The following C10orf67 variants were observed in gnomAD, a reference collection of about 807,000 sequenced individuals.
The protein encoded by C10orf67 is chromosome 10 open reading frame 67, also known as uncharacterized protein C10orf67, mitochondrial.
A neutral mutation model predicts 35.6 loss-of-function variants in C10orf67; 60 were observed. The ratio of observed to expected loss-of-function variants is 1.68; its 90% CI spans 1.37 to 2.09. C10orf67 has a LOEUF of 2.09. C10orf67 is among the 30% of genes most tolerant of loss of function. The pLI is 0.00. For missense variants in C10orf67, 474 were observed against 330.2 expected, an observed-to-expected ratio of 1.44 and a Z score of -3.38; for synonymous variants, 167 against 115.8, an observed-to-expected ratio of 1.44 and a Z score of -2.84.
At chr10:23,284,313 C>A (rs959293968) in intron 7 of C10orf67, among the ~76,000 whole-genome samples, 1 of 151,844 alleles carries the variant, frequency 6.6e-6, no homozygotes. Context: ...CAGTCACAAG[C>A]AGTTCCACAA....
chr10:23,270,374 A>G (rs960702890), intron 8 of C10orf67, among the ~76,000 whole-genome samples: 1 of 152,124 alleles, frequency 6.6e-6, no homozygotes, highest in African/African-American at 2.4e-5. Flanking sequence ...CAACCTGTGG[A>G]TCAGGAGATC....
chr10:23,309,315 A>G (rs1253389364), intron 4 of C10orf67, among the ~76,000 whole-genome samples: 1 of 152,180 alleles, frequency 6.6e-6, no homozygotes, highest in African/African-American at 2.4e-5. Context: ...ACATGTTCTC[A>G]CTTCTAAGTG....
intron 4 of C10orf67, 90 bp downstream of exon 4, chr10:23,320,651 G>C: frequency 1.0e-6 from 1 of 985,412 alleles, no homozygotes; most frequent in South Asian, 1.5e-5. Flanking sequence ...TGGAAACACA[G>C]ACTGGGAAGC....
chr10:23,305,969 A>ACG (rs1844259344), intron 4 of C10orf67, among the ~76,000 whole-genome samples: 1 of 147,972 alleles, frequency 6.8e-6, no homozygotes, highest in African/African-American at 2.5e-5. Flanking sequence ...ACATACGCGC[A>ACG]CACACACACA....
intron 8 of C10orf67, among the ~76,000 whole-genome samples, chr10:23,270,146 C>T (rs113221411): frequency 1.3e-3 from 196 of 152,228 alleles, no homozygotes; most frequent in African/African-American, 4.5e-3. Flanking sequence ...ATAAAAATGG[C>T]GACTGAATTC....
At chr10:23,306,422 G>C (rs149661972) in intron 4 of C10orf67, among the ~76,000 whole-genome samples, 2 of 151,618 alleles carry the variant, frequency 1.3e-5, no homozygotes, top group African/African-American at 4.8e-5. Flanking sequence ...TACTTGGGAG[G>C]TTGAGGCAGG....
intron 8 of C10orf67, among the ~76,000 whole-genome samples, chr10:23,277,325 G>C (rs892400803): frequency 2.0e-5 from 3 of 152,208 alleles, no homozygotes; most frequent in Middle Eastern, 6.8e-3. Context: ...GGCTGAGATG[G>C]GTGGATCACT....
At chr10:23,266,709 T>C (rs1044333373) in intron 9 of C10orf67, among the ~76,000 whole-genome samples, 1 of 151,898 alleles carries the variant, frequency 6.6e-6, no homozygotes, top group Non-Finnish European at 1.5e-5. Context: ...GTGGGGTCTA[T>C]GTGGAGGGGG....
intron 13 of C10orf67, among the ~76,000 whole-genome samples, chr10:23,228,729 A>G (rs1326384913): frequency 6.6e-6 from 1 of 152,204 alleles, no homozygotes; most frequent in African/African-American, 2.4e-5. Context: ...AAAGAACTCA[A>G]ACAAATTTAC....
At chr10:23,253,356 C>T (rs562662583) in intron 10 of C10orf67, among the ~76,000 whole-genome samples, 1 of 152,262 alleles carries the variant, frequency 6.6e-6, no homozygotes, top group South Asian at 2.1e-4. Flanking sequence ...AGTCCCTCCA[C>T]CTATTTGTTC....
chr10:23,307,285 T>C (rs889125277), intron 4 of C10orf67, among the ~76,000 whole-genome samples: 6 of 152,208 alleles, frequency 3.9e-5, no homozygotes, highest in Non-Finnish European at 4.4e-5. Flanking sequence ...ATTTGATTCT[T>C]TGTGTGTTTG....
intron 1 of C10orf67, 88 bp from the exon 2 acceptor site, chr10:23,333,270 A>G (rs1845552124): frequency 2.3e-6 from 3 of 1,283,530 alleles, no homozygotes; most frequent in Admixed American, 2.3e-5. Flanking sequence ...TGTAAATCAT[A>G]TCGTATTTTA....
At chr10:23,276,317 G>C (rs1346373466) in intron 8 of C10orf67, among the ~76,000 whole-genome samples, 1 of 152,262 alleles carries the variant, frequency 6.6e-6, no homozygotes, top group East Asian at 1.9e-4. Context: ...ATGGCTCAGG[G>C]GGGGATAAAG....
rs527412428 is a variant in C10orf67 at position 23,225,298 on chromosome 10, C to T, written c.1435-1480G>A. 5.1e-4 allele frequency among the ~76,000 whole-genome samples: 77 copies of T among 152,174 alleles called. 1 individual carries two copies. The highest frequency in any genetic ancestry group is 4.8e-3 in the Admixed American group (74 of 15,278). On this transcript the variant is annotated intron_variant, in intron 13 of 15. Transcript: ENST00000636213. ...TTCATAAGTGAAGGAGAAATAAAAT[C>T]CTTTACAGACAAGCAAATGCTGAGA...
intron 7 of C10orf67, among the ~76,000 whole-genome samples, chr10:23,287,235 G>T (rs973066079): frequency 2.1e-4 from 32 of 152,082 alleles, no homozygotes; most frequent in African/African-American, 7.5e-4. Flanking sequence ...ATACTACAAG[G>T]TTACAGTAAC....
intron 15 of C10orf67, among the ~76,000 whole-genome samples, chr10:23,218,696 G>A (rs537410048): frequency 3.3e-5 from 5 of 152,156 alleles, no homozygotes; most frequent in South Asian, 2.1e-4. Flanking sequence ...TACAGACCCC[G>A]TAATACATTA....
intron 15 of C10orf67, among the ~76,000 whole-genome samples, chr10:23,205,412 G>A (rs550230080): frequency 6.6e-4 from 101 of 152,228 alleles, no homozygotes; most frequent in African/African-American, 2.4e-3. Context: ...TAAACTTTCT[G>A]GATAAGCTTC....
chr10:23,309,289 C>T (rs1034679110), intron 4 of C10orf67, among the ~76,000 whole-genome samples: 3 of 152,084 alleles, frequency 2.0e-5, no homozygotes, highest in African/African-American at 7.2e-5. Context: ...AATGCAGGAA[C>T]AGAAAACTAA....
intron 1 of C10orf67, among the ~76,000 whole-genome samples, chr10:23,336,581 C>A (rs1379218831): frequency 6.6e-6 from 1 of 152,140 alleles, no homozygotes; most frequent in Non-Finnish European, 1.5e-5. Flanking sequence ...GTGGTGTGAT[C>A]TCAGCTCACT....
Sources: allele counts gnomAD v4.1 joint callset (sites outside exome capture counted in the v4.1 genomes callset), GRCh38; gene constraint gnomAD v4.1.1; transcripts MANE v1.5; gene names NCBI Gene and HGNC (gene_info 2026-07-23, HGNC 2026-07-21).